TCF4: variants seen among roughly 807,000 people sequenced by gnomAD.
TCF4 encodes transcription factor 4.
In TCF4, 3 loss-of-function variants were observed where a neutral mutation model predicts 82.1. The ratio of observed to expected loss-of-function variants is 0.04; its 90% CI spans 0.02 to 0.09. TCF4 has a LOEUF of 0.09. Ranked by LOEUF, TCF4 falls within the 10% of genes least tolerant of loss-of-function variation. TCF4 has a pLI of 1.00. For synonymous variants in TCF4, 276 were observed against 309.6 expected (o/e 0.89, Z 1.14); for missense variants, 518 against 852.7 (o/e 0.61, Z 4.89).
chr18:55,351,420 G>A, intron 6 of TCF4: 1 of 216,368 alleles, frequency 4.6e-6, no homozygotes, highest in Non-Finnish European at 9.2e-6. Context: ...GCATACACTG[G>A]GGGTAAGTGT....
intron 6 of TCF4, among the ~76,000 whole-genome samples, chr18:55,360,990 G>T (rs1019892821): frequency 1.3e-5 from 2 of 152,116 alleles, no homozygotes; most frequent in Admixed American, 6.5e-5. Flanking sequence ...CTCCCAAAGT[G>T]CTGGGATTAC....
At chr18:55,516,645 T>C (rs963599946) in intron 3 of TCF4, among the ~76,000 whole-genome samples, 2 of 152,094 alleles carry the variant, frequency 1.3e-5, no homozygotes, top group Non-Finnish European at 2.9e-5. Flanking sequence ...GGCTTTCTGA[T>C]ATGACATTTG....
chr18:55,304,524 A>C (rs2069533847), intron 8 of TCF4, among the ~76,000 whole-genome samples: 1 of 152,174 alleles, frequency 6.6e-6, no homozygotes, highest in Non-Finnish European at 1.5e-5. Flanking sequence ...CATTTCTTGA[A>C]TCTACTTCCT....
intron 6 of TCF4, among the ~76,000 whole-genome samples, chr18:55,365,906 CA>C (rs2086915619): frequency 6.6e-6 from 1 of 151,516 alleles, no homozygotes; most frequent in Non-Finnish European, 1.5e-5. Flanking sequence ...AAAAGCAAAA[CA>C]AAAAACAACA....
chr18:55,631,490 G>T, intron 1 of TCF4: 2 of 1,306,292 alleles, frequency 1.5e-6, no homozygotes. Flanking sequence ...AATGTTTTGG[G>T]TTAGGGTAAT....
intron 8 of TCF4, 47 bp from the exon 9 acceptor site, chr18:55,279,703 G>C: frequency 6.2e-7 from 1 of 1,612,488 alleles, no homozygotes; most frequent in African/African-American, 1.3e-5. Context: ...ATTGACCACA[G>C]CAGCCCAAGC....
intron 5 of TCF4, among the ~76,000 whole-genome samples, chr18:55,434,788 G>GTGTGTGTGTGTGTA (rs2095293189): frequency 6.6e-6 from 1 of 150,664 alleles, no homozygotes; most frequent in Non-Finnish European, 1.5e-5. Context: ...GTGTGTGTGT[G>GTGTGTGTGTGTGTA]TGTGTGTGTA....
chr18:55,529,803 T>C (rs1015818809), intron 3 of TCF4, among the ~76,000 whole-genome samples: 1 of 152,112 alleles, frequency 6.6e-6, no homozygotes, highest in Non-Finnish European at 1.5e-5. Context: ...TAGCACACCA[T>C]GCTAGGAGGA....
At chr18:55,439,623 A>G (rs1169987546) in intron 5 of TCF4, among the ~76,000 whole-genome samples, 1 of 152,250 alleles carries the variant, frequency 6.6e-6, no homozygotes, top group Non-Finnish European at 1.5e-5. Flanking sequence ...AATCATCCTT[A>G]ATAAGCACAG....
chr18:55,484,997 G>C (rs1050766070), intron 3 of TCF4, among the ~76,000 whole-genome samples: 1 of 152,152 alleles, frequency 6.6e-6, no homozygotes, highest in Non-Finnish European at 1.5e-5. Context: ...GCCTTCCCCA[G>C]GCCAGATACT....
Position 55,351,015 on chromosome 18 carries a change from A to G in TCF4, c.370-12T>C, listed in dbSNP as rs748411519. 5 of 1,613,048 alleles carry G rather than the reference A, an allele frequency of 3.1e-6. No homozygotes were observed. Among genetic ancestry groups the G allele is most frequent in the Non-Finnish European group, 4.2e-6 (5 of 1,179,246 alleles). On this transcript the variant is annotated splice_polypyrimidine_tract_variant and intron_variant, in intron 6 of 19. Transcript: ENST00000354452. ...CCAAGGAGACTCTGCTAAAAGGTTA[A>G]AAAGGGAAAACAAACATATAAGGTT...
intron 16 of TCF4, chr18:55,234,314 C>T (rs2144665173): frequency 1.6e-6 from 1 of 620,222 alleles, no homozygotes; most frequent in East Asian, 2.7e-5. Flanking sequence ...GGCCTCATTC[C>T]CTGCTGATAT....
At position 55,225,217 on chromosome 18, in the gene TCF4, A is replaced by G. The variant is rs1396148223; in HGVS notation, c.*2818T>C. ...TTATTTCCAAAGGGAATTCAACAAT[A>G]GAGGTATTGCATTACTGAGTAATGA... On this transcript the variant is annotated 3_prime_UTR_variant, in exon 20 of 20. Coordinates refer to ENST00000354452, the MANE Select transcript of TCF4 (RefSeq NM_001083962.2). The G allele has an allele frequency of 6.5e-6, 1 of 152,754 alleles. No homozygotes were observed. Among genetic ancestry groups the G allele is most frequent in the Admixed American group, 6.5e-5 (1 of 15,298 alleles). The allele number at this position is 152,754 out of a possible 1,614,324, so 9.5% of individuals were successfully genotyped here.
chr18:55,404,084 C>T, intron 5 of TCF4: 1 of 1,106,456 alleles, frequency 9.0e-7, no homozygotes, highest in Non-Finnish European at 1.1e-6. Flanking sequence ...ATTTGGGAAA[C>T]AGGGCTTTTG....
At chr18:55,495,726 T>G (rs1797771741) in intron 3 of TCF4, 1 of 152,174 alleles carries the variant, frequency 6.6e-6, no homozygotes, top group Admixed American at 6.6e-5. Context: ...CAAATAAGAT[T>G]GATGTTGTAG....
At chr18:55,300,894 G>A (rs528066331) in intron 8 of TCF4, among the ~76,000 whole-genome samples, 3 of 152,248 alleles carry the variant, frequency 2.0e-5, no homozygotes, top group South Asian at 2.1e-4. Context: ...CCAAGAGCTC[G>A]TCCCAGAGAA....
intron 3 of TCF4, among the ~76,000 whole-genome samples, chr18:55,568,273 C>A (rs2097427833): frequency 6.7e-6 from 1 of 148,822 alleles, no homozygotes; most frequent in South Asian, 2.1e-4. Flanking sequence ...ATCCACAAAG[C>A]CAAAAGTTGG....
At chr18:55,258,086 A>T (rs2057272706) in intron 13 of TCF4, among the ~76,000 whole-genome samples, 1 of 152,168 alleles carries the variant, frequency 6.6e-6, no homozygotes, top group African/African-American at 2.4e-5. Flanking sequence ...TACATAATTC[A>T]AAAAAGGAAA....
At chr18:55,597,973 CAATGAAG>C (rs1443873118) in intron 2 of TCF4, among the ~76,000 whole-genome samples, 1 of 152,146 alleles carries the variant, frequency 6.6e-6, no homozygotes, top group Non-Finnish European at 1.5e-5. Context: ...ATGCAAGGGG[CAATGAAG>C]AATTCATTCA....
Sources: gnomAD v4.1 joint callset for allele counts (sites outside exome capture counted in the v4.1 genomes callset) on GRCh38, gnomAD v4.1.1 for gene constraint, MANE v1.5 for transcripts, NCBI Gene and HGNC (gene_info 2026-07-23, HGNC 2026-07-21) for gene names.